SLC35D4: variants seen among roughly 807,000 people sequenced by gnomAD.
SLC35D4 encodes the protein solute carrier family 35 member D4, also known as UDP-N-acetylglucosamine transporter SLC35D4.
the SLC35D4 span, chr18:23,257,537 T>TACAC: frequency 1.5e-6 from 1 of 684,780 alleles, no homozygotes; most frequent in Non-Finnish European, 2.3e-6. Flanking sequence ...CTTGGGTGTG[T>TACAC]AGCCAAGAGG....
At chr18:23,286,151 A>G in the SLC35D4 span, among the ~76,000 whole-genome samples, 1 of 152,232 alleles carries the variant, frequency 6.6e-6, no homozygotes, top group East Asian at 1.9e-4. Context: ...CTTCAAGTGT[A>G]CAATAATAGA....
chr18:23,246,668 T>G, the SLC35D4 span, among the ~76,000 whole-genome samples: 5,726 of 151,704 alleles, frequency 0.038, 154 homozygotes, highest in Non-Finnish European at 0.041. Flanking sequence ...TGGGATTATA[T>G]GCTTGAGCCA....
the SLC35D4 span, among the ~76,000 whole-genome samples, chr18:23,347,210 AT>A: frequency 2.0e-5 from 3 of 152,100 alleles, no homozygotes; most frequent in Non-Finnish European, 4.4e-5. Flanking sequence ...ATGTATTCAG[AT>A]TTTTCATTTC....
At chr18:23,251,814 G>A in the SLC35D4 span, among the ~76,000 whole-genome samples, 10 of 152,046 alleles carry the variant, frequency 6.6e-5, no homozygotes, top group Admixed American at 2.0e-4. Context: ...GGCCAGGCGC[G>A]GTGGCTCACG....
At chr18:23,309,808 T>A in the SLC35D4 span, 4 of 1,486,336 alleles carry the variant, frequency 2.7e-6, no homozygotes, top group Non-Finnish European at 3.8e-6. Context: ...TCCAATGTCA[T>A]TTTTTTCACA....
chr18:23,419,973 C>T, the SLC35D4 span, among the ~76,000 whole-genome samples: 1 of 151,910 alleles, frequency 6.6e-6, no homozygotes, highest in Admixed American at 6.6e-5. Context: ...TATACATGTA[C>T]AGTACATCAA....
chr18:23,324,299 T>C, the SLC35D4 span, among the ~76,000 whole-genome samples: 3 of 152,110 alleles, frequency 2.0e-5, no homozygotes, highest in Non-Finnish European at 4.4e-5. Context: ...TTGCAGCCTC[T>C]AGAACTGTGA....
At chr18:23,349,392 G>A in the SLC35D4 span, among the ~76,000 whole-genome samples, 3,033 of 152,260 alleles carry the variant, frequency 0.02, 95 homozygotes, top group African/African-American at 0.068. Context: ...CAGCACTTTG[G>A]GAGGCCAAGG....
chr18:23,274,803 T>G, the SLC35D4 span, among the ~76,000 whole-genome samples: 2 of 152,096 alleles, frequency 1.3e-5, no homozygotes, highest in Non-Finnish European at 2.9e-5. Flanking sequence ...GTGCTCAGCC[T>G]CCCCCACACA....
chr18:23,427,927 C>G, the SLC35D4 span, among the ~76,000 whole-genome samples: 2 of 151,980 alleles, frequency 1.3e-5, no homozygotes, highest in South Asian at 4.1e-4. Context: ...GGACAGAAAA[C>G]CAAACACCAC....
At chr18:23,365,438 G>A in the SLC35D4 span, among the ~76,000 whole-genome samples, 1 of 152,184 alleles carries the variant, frequency 6.6e-6, no homozygotes, top group African/African-American at 2.4e-5. Flanking sequence ...CAGACAACAA[G>A]AAGGGGTAAG....
the SLC35D4 span, among the ~76,000 whole-genome samples, chr18:23,387,641 T>C: frequency 6.6e-6 from 1 of 152,244 alleles, no homozygotes. Flanking sequence ...TTAAAACTTC[T>C]ATAGCTTTAT....
chr18:23,250,340 T>C, the SLC35D4 span, among the ~76,000 whole-genome samples: 1 of 45,168 alleles, frequency 2.2e-5, no homozygotes, highest in Non-Finnish European at 3.4e-5. Flanking sequence ...GGTGCCTGGA[T>C]TGGGGGGTGA....
chr18:23,264,386 G>A, the SLC35D4 span, among the ~76,000 whole-genome samples: 5 of 136,480 alleles, frequency 3.7e-5, no homozygotes, highest in African/African-American at 1.1e-4. Context: ...TTTTTGAGAC[G>A]GAGTCTCGCC....
At chr18:23,368,406 G>C in the SLC35D4 span, among the ~76,000 whole-genome samples, 1 of 152,212 alleles carries the variant, frequency 6.6e-6, no homozygotes, top group African/African-American at 2.4e-5. Context: ...ATGGGTGGGG[G>C]ATTCAAGGAC....
chr18:23,247,709 G>A, the SLC35D4 span, among the ~76,000 whole-genome samples: 3 of 152,366 alleles, frequency 2.0e-5, no homozygotes, highest in South Asian at 4.1e-4. Flanking sequence ...TCTTGAGCCT[G>A]TGTTCTTCCC....
chr18:23,365,208 C>T, the SLC35D4 span, among the ~76,000 whole-genome samples: 3 of 152,090 alleles, frequency 2.0e-5, no homozygotes, highest in African/African-American at 7.2e-5. Flanking sequence ...TCATATTCTG[C>T]CATAAGAGCA....
the SLC35D4 span, chr18:23,370,289 G>A: frequency 6.2e-7 from 1 of 1,610,494 alleles, no homozygotes; most frequent in Non-Finnish European, 8.5e-7. Context: ...CATATCACTG[G>A]TCATGGTATT....
At chr18:23,329,865 A>G in the SLC35D4 span, among the ~76,000 whole-genome samples, 1 of 152,218 alleles carries the variant, frequency 6.6e-6, no homozygotes, top group Non-Finnish European at 1.5e-5. Context: ...ACCATGGAAT[A>G]CTATGCAGCC....
Sources: allele counts gnomAD v4.1 joint callset (sites outside exome capture counted in the v4.1 genomes callset), GRCh38; gene constraint gnomAD v4.1.1; transcripts MANE v1.5; gene names NCBI Gene and HGNC (gene_info 2026-07-23, HGNC 2026-07-21).